The following CPEB3 variants were observed in gnomAD, a reference collection of about 807,000 sequenced individuals.
CPEB3 encodes the protein cytoplasmic polyadenylation element binding protein 3.
A neutral mutation model predicts 67.2 loss-of-function variants in CPEB3; 20 were observed. The ratio of observed to expected loss-of-function variants is 0.30; its 90% CI spans 0.21 to 0.43. The LOEUF is 0.43. CPEB3 is among the 20% of genes least tolerant of loss of function. CPEB3 has a pLI of 1.00. For synonymous variants in CPEB3, 376 were observed against 393.1 expected, an observed-to-expected ratio of 0.96 and a Z score of 0.51; for missense variants, 746 against 968.6, an observed-to-expected ratio of 0.77 and a Z score of 3.05.
chr10:92,082,576 G>A (rs1843200079), intron 8 of CPEB3, among the ~76,000 whole-genome samples: 1 of 152,026 alleles, frequency 6.6e-6, no homozygotes, highest in Non-Finnish European at 1.5e-5. Context: ...CACCATGCCT[G>A]GCCTAAGTAT....
intron 4 of CPEB3, among the ~76,000 whole-genome samples, chr10:92,167,416 T>C (rs1345660620): frequency 6.6e-6 from 1 of 152,206 alleles, no homozygotes; most frequent in Admixed American, 6.5e-5. Flanking sequence ...ACTCTTTCTT[T>C]CACTTGAACA....
chr10:92,181,913 G>C lies in CPEB3; in HGVS notation c.1166-894C>G, dbSNP rs139294122. The stretch of plus-strand genomic sequence containing the variant: ...CCTAGGGGCAAGAATGGAAGATGCA[G>C]ACATTTTTGTTATGTTTTCTTCATT... On this transcript the variant is annotated intron_variant, in intron 3 of 9. Transcript: ENST00000265997. Among the ~76,000 whole-genome samples the C allele has an allele frequency of 2.0e-5, 3 of 152,178 alleles. No homozygotes were observed. In the East Asian group the frequency reaches 5.8e-4, roughly 29 times the overall value.
At chr10:92,109,932 C>T (rs1406690022) in intron 7 of CPEB3, among the ~76,000 whole-genome samples, 1 of 152,174 alleles carries the variant, frequency 6.6e-6, no homozygotes, top group Non-Finnish European at 1.5e-5. Flanking sequence ...GTAGGACTGA[C>T]AACATTAGCC....
At chr10:92,101,363 C>A (rs1022814825) in intron 7 of CPEB3, among the ~76,000 whole-genome samples, 3 of 152,132 alleles carry the variant, frequency 2.0e-5, no homozygotes, top group Non-Finnish European at 4.4e-5. Flanking sequence ...ATCCTACAAT[C>A]CTTTTAGTCT....
rs1291863963 is a variant in CPEB3 at position 92,144,996 on chromosome 10, G to A, written c.1312C>T (p.Arg438Cys). The change falls in exon 5 of 10, where the codon CGC becomes TGC. Residue 438 changes from arginine to cysteine, a missense_variant. Physicochemically the swap from Arg to Cys is radical, Grantham distance 180. This residue lies in a region of CPEB3 where 643 missense variants were observed against 717.5 expected (regional missense o/e 0.90). Transcript: ENST00000265997. ...CCAACAAACACCTTTCTAGAGTAGC[G>A]TTCTACTCGTTCCCCATTTTGACAG... ...TRCQNGERVE[R>C]YSRKVFVGGL... The A allele has an allele frequency of 1.4e-5, 22 of 1,613,884 alleles. No individual in the cohort carries two copies. Among genetic ancestry groups the A allele is most frequent in the East Asian group, 2.2e-5 (1 of 44,884 alleles).
intron 7 of CPEB3, among the ~76,000 whole-genome samples, chr10:92,110,778 C>G (rs183604619): frequency 6.6e-6 from 1 of 152,150 alleles, no homozygotes; most frequent in Non-Finnish European, 1.5e-5. Context: ...CTGCCAAAAC[C>G]GCTAAGAGCA....
intron 4 of CPEB3, among the ~76,000 whole-genome samples, chr10:92,158,396 A>G (rs931208145): frequency 1.3e-5 from 2 of 152,188 alleles, no homozygotes; most frequent in African/African-American, 2.4e-5. Context: ...AAACTGATTT[A>G]TAAATCTTCA....
intron 7 of CPEB3, among the ~76,000 whole-genome samples, chr10:92,096,336 T>C (rs1213647321): frequency 6.6e-6 from 1 of 152,160 alleles, no homozygotes; most frequent in Non-Finnish European, 1.5e-5. Context: ...CGTCATTTTA[T>C]GTAAGGGACT....
chr10:92,194,082 C>T (rs1253042999), intron 2 of CPEB3, among the ~76,000 whole-genome samples: 2 of 150,688 alleles, frequency 1.3e-5, no homozygotes, highest in African/African-American at 4.9e-5. Context: ...AGGCGTGAGA[C>T]ACCGCGCCCG....
At chr10:92,099,172 G>A (rs1464253609) in intron 7 of CPEB3, among the ~76,000 whole-genome samples, 5 of 150,502 alleles carry the variant, frequency 3.3e-5, no homozygotes, top group Non-Finnish European at 7.4e-5. Context: ...ATAGGGATAC[G>A]ATTAGGTCAA....
intron 6 of CPEB3, among the ~76,000 whole-genome samples, chr10:92,130,926 G>GCC (rs1226172692): frequency 6.6e-6 from 1 of 152,144 alleles, no homozygotes; most frequent in South Asian, 2.1e-4. Context: ...AATGTGAGGT[G>GCC]ACCTAAGAAA....
chr10:92,278,002 G>T (rs1329442427), intron 1 of CPEB3, among the ~76,000 whole-genome samples: 1 of 151,920 alleles, frequency 6.6e-6, no homozygotes, highest in African/African-American at 2.4e-5. Context: ...GGCCAAGATG[G>T]TGAAACCCCA....
intron 2 of CPEB3, among the ~76,000 whole-genome samples, chr10:92,206,278 G>A (rs375665416): frequency 1.3e-5 from 2 of 151,890 alleles, no homozygotes; most frequent in African/African-American, 4.8e-5. Flanking sequence ...TCGGCATGTT[G>A]GTCAGGCTGG....
intron 2 of CPEB3, among the ~76,000 whole-genome samples, chr10:92,231,104 G>T (rs1001105372): frequency 6.6e-6 from 1 of 152,118 alleles, no homozygotes; most frequent in African/African-American, 2.4e-5. Flanking sequence ...TTACATTGGT[G>T]AGTCAGCCAT....
chr10:92,270,613 A>G (rs1853265392), intron 1 of CPEB3, among the ~76,000 whole-genome samples: 1 of 144,218 alleles, frequency 6.9e-6, no homozygotes. Flanking sequence ...CCCAGGCTAG[A>G]GTGCAGTGGT....
At chr10:92,105,229 A>C (rs187410109) in intron 7 of CPEB3, among the ~76,000 whole-genome samples, 96 of 152,382 alleles carry the variant, frequency 6.3e-4, no homozygotes, top group South Asian at 6.2e-4. Flanking sequence ...CCAAGATAAA[A>C]TTATAGTTAT....
intron 3 of CPEB3, among the ~76,000 whole-genome samples, chr10:92,183,219 AT>A (rs1848541157): frequency 6.6e-6 from 1 of 152,190 alleles, no homozygotes; most frequent in South Asian, 2.1e-4. Context: ...AAACGTTTTC[AT>A]ATTTACTAGA....
intron 8 of CPEB3, among the ~76,000 whole-genome samples, chr10:92,088,340 C>T (rs1274743978): frequency 6.6e-6 from 1 of 151,250 alleles, no homozygotes. Flanking sequence ...GGTTCTCCTG[C>T]CTCAGCCCCC....
At chr10:92,099,681 C>T (rs1416589311) in intron 7 of CPEB3, among the ~76,000 whole-genome samples, 1 of 138,798 alleles carries the variant, frequency 7.2e-6, no homozygotes, top group African/African-American at 2.7e-5. Flanking sequence ...TGGTGAAACC[C>T]CATTTCTACT....
Sources: allele counts gnomAD v4.1 joint callset (sites outside exome capture counted in the v4.1 genomes callset), GRCh38; gene constraint gnomAD v4.1.1; regional missense constraint gnomAD v4.1.1; transcripts MANE v1.5; gene names NCBI Gene and HGNC (gene_info 2026-07-23, HGNC 2026-07-21).